The following SND1 variants were observed in gnomAD, a reference collection of about 807,000 sequenced individuals.
The protein encoded by SND1 is staphylococcal nuclease and tudor domain containing 1, also known as staphylococcal nuclease domain-containing protein 1.
In SND1, 38 loss-of-function variants were observed where a neutral mutation model predicts 121.7. The ratio of observed to expected loss-of-function variants is 0.31; its 90% CI spans 0.24 to 0.41. The LOEUF (loss-of-function observed/expected upper bound fraction) is 0.41, where lower values mean the gene tolerates loss of function less well. SND1 is among the 10% of genes least tolerant of loss of function. The pLI is 1.00. For synonymous variants in SND1, 401 were observed against 447.4 expected, an observed-to-expected ratio of 0.90 and a Z score of 1.31; for missense variants, 868 against 1,184.6, an observed-to-expected ratio of 0.73 and a Z score of 3.92.
chr7:127,703,404 C>T (rs925398908), intron 7 of SND1, 81 bp downstream of exon 7: 80 of 1,494,806 alleles, frequency 5.4e-5, no homozygotes, highest in Non-Finnish European at 7.1e-5. Context: ...GCTTCTCTTT[C>T]TCTGTATTTA....
At chr7:128,028,558 A>G in intron 16 of SND1, 2 of 888,146 alleles carry the variant, frequency 2.3e-6, no homozygotes, top group Admixed American at 5.8e-5. Flanking sequence ...TGTTTTTTTT[A>G]ACCAGCCCAT....
rs190830815 is a variant in SND1 at position 127,921,957 on chromosome 7, G to A, written c.1528-7231G>A. Among the ~76,000 whole-genome samples the A allele has an allele frequency of 9.5e-4, 144 of 151,966 alleles. 1 individual carries two copies. The highest frequency in any genetic ancestry group is 2.2e-4 in the Non-Finnish European group (15 of 67,948). ...TCCAATTTTAGTGATTATGAATAAC[G>A]TCCAGACCATTATCTTTGCTTTGCC... On this transcript the variant is annotated intron_variant, in intron 14 of 23. Transcript: ENST00000354725.
At chr7:127,686,947 G>A in intron 2 of SND1, 185 bp downstream of exon 2, 1 of 593,710 alleles carries the variant, frequency 1.7e-6, no homozygotes, top group Non-Finnish European at 2.8e-6. Flanking sequence ...ACTACCTTTA[G>A]TGGCAGTTGA....
At chr7:128,080,739 T>A (rs962864748) in intron 17 of SND1, among the ~76,000 whole-genome samples, 3 of 152,170 alleles carry the variant, frequency 2.0e-5, no homozygotes, top group African/African-American at 7.2e-5. Flanking sequence ...TTGCTCTTTT[T>A]TACTCTCTGG....
intron 11 of SND1, among the ~76,000 whole-genome samples, chr7:127,822,157 A>G (rs764557389): frequency 7.9e-5 from 12 of 152,228 alleles, no homozygotes; most frequent in Non-Finnish European, 1.3e-4. Context: ...AGAAGCAATT[A>G]GTATTACGAT....
chr7:127,959,894 G>C (rs963108690), intron 15 of SND1, among the ~76,000 whole-genome samples: 1 of 152,164 alleles, frequency 6.6e-6, no homozygotes, highest in African/African-American at 2.4e-5. Flanking sequence ...ATTCCCCTAT[G>C]ATATGGAAAT....
At chr7:127,775,423 G>C (rs1364826498) in intron 10 of SND1, among the ~76,000 whole-genome samples, 1 of 139,708 alleles carries the variant, frequency 7.2e-6, no homozygotes, top group Non-Finnish European at 1.5e-5. Context: ...AAAACACACA[G>C]AGTTTTTAAG....
At chr7:127,785,057 G>A (rs976691268) in intron 10 of SND1, among the ~76,000 whole-genome samples, 2 of 152,190 alleles carry the variant, frequency 1.3e-5, no homozygotes, top group Admixed American at 1.3e-4. Context: ...CAAGTAGCTG[G>A]GACTACAGGG....
intron 11 of SND1, among the ~76,000 whole-genome samples, chr7:127,838,834 C>T (rs979292913): frequency 1.3e-5 from 2 of 152,172 alleles, no homozygotes; most frequent in Non-Finnish European, 2.9e-5. Flanking sequence ...CTCATGGATA[C>T]TTATTTAGCA....
chr7:127,659,392 T>C (rs933867557), intron 1 of SND1, among the ~76,000 whole-genome samples: 2 of 152,236 alleles, frequency 1.3e-5, no homozygotes, highest in Non-Finnish European at 2.9e-5. Context: ...AAGCAACTTA[T>C]GGGAAAAATA....
intron 16 of SND1, among the ~76,000 whole-genome samples, chr7:128,073,928 C>T (rs966273051): frequency 6.6e-6 from 1 of 152,160 alleles, no homozygotes; most frequent in Non-Finnish European, 1.5e-5. Flanking sequence ...TCTGGCCACT[C>T]CTTCTGCGGG....
At chr7:127,749,173 A>G (rs1797037088) in intron 10 of SND1, among the ~76,000 whole-genome samples, 1 of 149,440 alleles carries the variant, frequency 6.7e-6, no homozygotes, top group Non-Finnish European at 1.5e-5. Context: ...AGCTGGGATT[A>G]TAGGCATGAG....
intron 15 of SND1, among the ~76,000 whole-genome samples, chr7:127,979,676 CA>C (rs1297759665): frequency 1.3e-5 from 2 of 152,136 alleles, no homozygotes; most frequent in Non-Finnish European, 1.5e-5. Context: ...GAACAAAGAA[CA>C]GGGGAGCTGA....
chr7:127,897,173 C>T (rs1015414107), intron 13 of SND1, among the ~76,000 whole-genome samples: 1 of 152,106 alleles, frequency 6.6e-6, no homozygotes, highest in African/African-American at 2.4e-5. Context: ...ACTTTGGGCC[C>T]AGAAGTTGAG....
intron 16 of SND1, chr7:128,030,427 C>G: frequency 6.2e-7 from 1 of 1,613,870 alleles, no homozygotes; most frequent in Non-Finnish European, 8.5e-7. Context: ...GAGGGAATAC[C>G]CTGCGGGACC....
intron 1 of SND1, among the ~76,000 whole-genome samples, chr7:127,680,327 A>C (rs1795696521): frequency 6.6e-6 from 1 of 152,198 alleles, no homozygotes; most frequent in South Asian, 2.1e-4. Flanking sequence ...ATATGGAGAC[A>C]GGGTTTGAGA....
At chr7:128,088,534 C>A (rs990065972) in intron 21 of SND1, among the ~76,000 whole-genome samples, 1 of 147,634 alleles carries the variant, frequency 6.8e-6, no homozygotes, top group Non-Finnish European at 1.5e-5. Context: ...CTCACTGCAA[C>A]CTCTCCCTCC....
intron 17 of SND1, among the ~76,000 whole-genome samples, chr7:128,077,189 T>G (rs1425185723): frequency 6.6e-6 from 1 of 152,168 alleles, no homozygotes; most frequent in Admixed American, 6.5e-5. Flanking sequence ...GCCCCACCCC[T>G]GGAGCCTTGC....
intron 1 of SND1, among the ~76,000 whole-genome samples, chr7:127,670,688 A>T (rs918819417): frequency 6.6e-6 from 1 of 151,810 alleles, no homozygotes; most frequent in Non-Finnish European, 1.5e-5. Flanking sequence ...TTTTATTTTT[A>T]ATTTTTCTGT....
Sources: gnomAD v4.1 joint callset for allele counts (sites outside exome capture counted in the v4.1 genomes callset) on GRCh38, gnomAD v4.1.1 for gene constraint, MANE v1.5 for transcripts, NCBI Gene and HGNC (gene_info 2026-07-23, HGNC 2026-07-21) for gene names.